NXT1: variants seen among roughly 807,000 people sequenced by gnomAD.
NXT1 encodes the protein NTF2-related export protein 1.
Under a neutral mutation model 9.9 loss-of-function variants are expected in NXT1, and 3 were observed. The observed-to-expected ratio is 0.30, with a 90% CI of 0.14 to 0.79. The LOEUF (loss-of-function observed/expected upper bound fraction) is 0.79, where lower values mean the gene tolerates loss of function less well. Ranked by LOEUF, NXT1 falls within the 30% of genes least tolerant of loss-of-function variation. The pLI, the probability that NXT1 is intolerant of heterozygous loss-of-function variation, is 0.63. For synonymous variants in NXT1, 53 were observed against 66.5 expected (o/e 0.80, Z 0.99); for missense variants, 91 against 178.2 (o/e 0.51, Z 2.79).
chr20:23,352,737 C>T (rs905626846), intron 1 of NXT1, among the ~76,000 whole-genome samples: 3 of 152,084 alleles, frequency 2.0e-5, no homozygotes, highest in Non-Finnish European at 4.4e-5. Flanking sequence ...GACAATGTGA[C>T]ATTTCAGCTA....
In NXT1 at chr20:23,352,948, GTCC is replaced by G. The variant is rs757929989; in HGVS notation, c.-61-1030_-61-1028del. Among the ~76,000 whole-genome samples, 81 of 152,248 alleles carry G rather than the reference GTCC, an allele frequency of 5.3e-4. 1 individual carries two copies. Among genetic ancestry groups the G allele is most frequent in the Admixed American group, 9.2e-4 (14 of 15,290 alleles). ...GGATTATGGCTGCCATTTTGATTCTGTCCTCATGTCATTTGTGTTTCTACCCTC... is the reference window on the plus strand; with the variant it reads ...GGATTATGGCTGCCATTTTGATTCTGTCATGTCATTTGTGTTTCTACCCTC... On this transcript the variant is annotated intron_variant, in intron 1 of 1. Transcript: ENST00000254998.
rs1229650442 is a variant in NXT1, at chr20:23,351,006, G to C, written c.-117G>C. 1 of 152,224 alleles carries C rather than the reference G, an allele frequency of 6.6e-6. No individual in the cohort carries two copies. Among genetic ancestry groups the C allele is most frequent in the Non-Finnish European group, 1.5e-5 (1 of 68,068 alleles). The allele number at this position is 152,224 out of a possible 1,614,324, so 9.4% of individuals were successfully genotyped here. A position where few individuals can be genotyped will look rare whatever the true frequency, so the allele number is the denominator to read the frequency against. On this transcript the variant is annotated 5_prime_UTR_variant, in exon 1 of 2. Coordinates refer to ENST00000254998, the MANE Select transcript of NXT1 (RefSeq NM_013248.3). ...TCAGTGGAACTGCGTCCCACGCGGG[G>C]GGCGTCCCGACCGTGGGGGCCGCGG...
At chr20:23,353,776 A>T (rs1980334576) in intron 1 of NXT1, among the ~76,000 whole-genome samples, 1 of 152,236 alleles carries the variant, frequency 6.6e-6, no homozygotes, top group Non-Finnish European at 1.5e-5. Context: ...AGTTTGCCAC[A>T]GTGGTAATCC....
Position 23,353,986 on chromosome 20 carries a change from G to A in NXT1, c.-56G>A, listed in dbSNP as rs747565100. The A allele has an allele frequency of 7.1e-6, 11 of 1,547,930 alleles. No individual in the cohort carries two copies. Among genetic ancestry groups the A allele is most frequent in the Non-Finnish European group, 8.8e-6 (10 of 1,138,006 alleles). On this transcript the variant is annotated 5_prime_UTR_variant, in exon 2 of 2. Coordinates refer to ENST00000254998, the MANE Select transcript of NXT1 (RefSeq NM_013248.3). Reference sequence around the variant, plus strand: ...TCAACCTTACTTCCCTGCAGCCCCTGGTTCCCCAAGGCAGAGGAAATACCC... The same window carrying A: ...TCAACCTTACTTCCCTGCAGCCCCTAGTTCCCCAAGGCAGAGGAAATACCC...
Position 23,354,129 on chromosome 20 carries a change from A to T in NXT1, c.88A>T (p.Lys30Ter). 1 of 1,614,172 alleles carries T rather than the reference A, an allele frequency of 6.2e-7. No homozygotes were observed. The highest frequency in any genetic ancestry group is 8.5e-7 in the Non-Finnish European group (1 of 1,180,042). ...CAATGTCTACTACACCACCATGGAT[A>T]AGCGGCGGCGTTTGCTGTCCCGCCT... The part of the protein sequence containing the change: ...FVNVYYTTMD[K>*]RRRLLSRLYM... The change falls in exon 2 of 2, where the codon AAG (lysine) becomes TAG (stop). Residue 30 changes from lysine (K) to a stop codon, truncating the protein, a stop_gained. Transcript: ENST00000254998. LOFTEE classifies it high-confidence loss of function.
Position 23,354,550 on chromosome 20 carries a change from C to G in NXT1, c.*86C>G, listed in dbSNP as rs1980355451. 2 of 1,438,602 alleles carry G rather than the reference C, an allele frequency of 1.4e-6. No homozygotes were observed. Among genetic ancestry groups the G allele is most frequent in the Non-Finnish European group, 1.9e-6 (2 of 1,069,672 alleles). The allele number at this position is 1,438,602 out of a possible 1,614,324, so 89.1% of individuals were successfully genotyped here. On this transcript the variant is annotated 3_prime_UTR_variant, in exon 2 of 2. Coordinates refer to ENST00000254998, the MANE Select transcript of NXT1 (RefSeq NM_013248.3). ...TCGACTCTCAAGGATGTGAGGAACA[C>G]AAGTTCATTTCTGTTGTTGCGGAGA... is the stretch of plus-strand genomic sequence containing the variant.
At chr20:23,352,640 T>C (rs1209673722) in intron 1 of NXT1, among the ~76,000 whole-genome samples, 3 of 152,206 alleles carry the variant, frequency 2.0e-5, no homozygotes, top group Admixed American at 1.3e-4. Flanking sequence ...ATTTTAATTA[T>C]GGAGAAAAGA....
chr20:23,351,656 T>C (rs1410734500), intron 1 of NXT1, among the ~76,000 whole-genome samples: 1 of 152,004 alleles, frequency 6.6e-6, no homozygotes, highest in Non-Finnish European at 1.5e-5. Flanking sequence ...GAGGTGGAGA[T>C]CGGGAATTCC....
intron 1 of NXT1, 32 bp downstream of exon 1, chr20:23,351,093 C>G (rs567857423): frequency 3.9e-5 from 6 of 152,382 alleles, no homozygotes; most frequent in East Asian, 3.9e-4. Context: ...GTCTGACCCC[C>G]GAGACAGCCC....
Position 23,354,030 on chromosome 20 carries a change from A to G in NXT1, c.-12A>G. On this transcript the variant is annotated 5_prime_UTR_variant, in exon 2 of 2. Coordinates refer to ENST00000254998, the MANE Select transcript of NXT1 (RefSeq NM_013248.3). ...AATACCCTGGTGGAGCCCTCCTTCC[A>G]TAGAACCAGAGATGGCATCTGTGGA... The G allele has an allele frequency of 6.2e-7, 1 of 1,605,744 alleles. No individual in the cohort carries two copies. Among genetic ancestry groups the G allele is most frequent in the South Asian group, 1.1e-5 (1 of 90,708 alleles).
In NXT1 at chr20:23,354,387, ACCG is replaced by A; in HGVS notation, c.349_351del (p.Ala117del). On this transcript the variant is annotated inframe_deletion, in exon 2 of 2. Transcript: ENST00000254998. Reference sequence around the variant, plus strand: ...GGACTTCAACCAGAACTTCATCCTGACCGCCCAGGCCTCACCCAGCAACACAGT... The same window carrying A: ...GGACTTCAACCAGAACTTCATCCTGACCCAGGCCTCACCCAGCAACACAGT... 1 of 1,614,116 alleles carries A rather than the reference ACCG, an allele frequency of 6.2e-7. No homozygotes were observed. Among genetic ancestry groups the A allele is most frequent in the East Asian group, 2.2e-5 (1 of 44,892 alleles).
chr20:23,354,626 T>C lies in NXT1; in HGVS notation c.*162T>C, dbSNP rs1380703976. 1.4e-6 allele frequency: 1 copy of C among 731,538 alleles called. No homozygotes were observed. The highest frequency in any genetic ancestry group is 1.8e-5 in the African/African-American group (1 of 56,126). The allele number at this position is 731,538 out of a possible 1,614,324, so 45.3% of individuals were successfully genotyped here. On this transcript the variant is annotated 3_prime_UTR_variant, in exon 2 of 2. Coordinates refer to ENST00000254998, the MANE Select transcript of NXT1 (RefSeq NM_013248.3). ...TTGAACTCTTTTTTGTTGCTCAAGT[T>C]CTAGGAGTCCCTTTCCTGAATATAT... is the stretch of plus-strand genomic sequence containing the variant.
chr20:23,353,369 C>T (rs535130577), intron 1 of NXT1, among the ~76,000 whole-genome samples: 10 of 152,316 alleles, frequency 6.6e-5, no homozygotes, highest in Admixed American at 6.5e-4. Context: ...CCTGTAATCC[C>T]AGCACTTTGG....
At chr20:23,351,257 A>G (rs1381395966) in intron 1 of NXT1, 196 bp downstream of exon 1, 1 of 152,338 alleles carries the variant, frequency 6.6e-6, no homozygotes, top group Admixed American at 6.5e-5. Context: ...GTCCCCTCAC[A>G]GCGCAGCTCT....
At position 23,354,155 on chromosome 20, in the gene NXT1, G is replaced by A; in HGVS notation, c.114G>A (p.Leu38=). ...AGCGGCGGCGTTTGCTGTCCCGCCT[G>A]TACATGGGCACAGCCACCCTGGTCT... The part of the protein sequence containing the change: ...MDKRRRLLSR[L]YMGTATLVWN... The change falls in exon 2 of 2, where the codon CTG becomes CTA. Residue 38 remains leucine (L), a synonymous_variant. Coordinates refer to ENST00000254998, the MANE Select transcript of NXT1 (RefSeq NM_013248.3). 6.2e-7 allele frequency: 1 copy of A among 1,614,212 alleles called. No homozygotes were observed. Among genetic ancestry groups the A allele is most frequent in the South Asian group, 1.1e-5 (1 of 91,086 alleles).
intron 1 of NXT1, among the ~76,000 whole-genome samples, chr20:23,352,293 G>A (rs1344885261): frequency 6.6e-6 from 1 of 152,174 alleles, no homozygotes; most frequent in East Asian, 1.9e-4. Context: ...AGGGACCACT[G>A]TACTCAGTCC....
intron 1 of NXT1, among the ~76,000 whole-genome samples, chr20:23,352,295 A>G (rs1039003018): frequency 6.6e-6 from 1 of 152,174 alleles, no homozygotes; most frequent in African/African-American, 2.4e-5. Flanking sequence ...GGACCACTGT[A>G]CTCAGTCCAG....
chr20:23,354,463 A>G lies in NXT1; in HGVS notation c.422A>G (p.Ter141TrpextTer13). ...TTCCGCTTCCAGGACTGGGCCAGCT[A>G]GTGGGGGTGGCAGAGGTCTCTTTGC... Reference protein sequence around the residue: ...DCFRFQDWAS* With the variant: ...DCFRFQDWASW Residue 141 changes from the stop codon to tryptophan, a stop_lost, in exon 2 of 2, where the codon TAG becomes TGG. Coordinates refer to ENST00000254998, the MANE Select transcript of NXT1 (RefSeq NM_013248.3). 2 of 1,610,552 alleles carry G rather than the reference A, an allele frequency of 1.2e-6. No homozygotes were observed.
rs767069378 is a variant in NXT1 at position 23,354,068 on chromosome 20, T to C, written c.27T>C (p.Tyr9=). The C allele has an allele frequency of 1.1e-4, 182 of 1,613,650 alleles. 1 individual carries two copies. The highest frequency in any genetic ancestry group is 1.1e-4 in the Non-Finnish European group (133 of 1,179,750). ...TGGCATCTGTGGATTTCAAGACCTATGTGGATCAGGCCTGCAGAGCTGCTG... is the reference window on the plus strand; with the variant it reads ...TGGCATCTGTGGATTTCAAGACCTACGTGGATCAGGCCTGCAGAGCTGCTG... The part of the protein sequence containing the change: MASVDFKT[Y]VDQACRAAEE... The change falls in exon 2 of 2, where the codon TAT becomes TAC. Residue 9 remains tyrosine (Y), a synonymous_variant. Coordinates refer to ENST00000254998, the MANE Select transcript of NXT1 (RefSeq NM_013248.3).
Sources: allele counts gnomAD v4.1 joint callset (sites outside exome capture counted in the v4.1 genomes callset), GRCh38; gene constraint gnomAD v4.1.1; transcripts MANE v1.5; gene names NCBI Gene and HGNC (gene_info 2026-07-23, HGNC 2026-07-21).